Variants in IGSF11 observed in about 807,000 individuals in gnomAD.
The protein encoded by IGSF11 is immunoglobulin superfamily member 11.
IGSF11 carries 22 observed loss-of-function variants against 41.0 expected under a neutral mutation model. The observed-to-expected ratio is 0.54, with a 90% CI of 0.38 to 0.77. IGSF11 has a LOEUF of 0.77. IGSF11 is among the 30% of genes least tolerant of loss of function. The probability of loss-of-function intolerance (pLI) is 0.00; values close to 1 mark genes in which losing one functional copy is unlikely to be tolerated. For synonymous variants in IGSF11, 219 were observed against 201.3 expected (o/e 1.09, Z -0.74); for missense variants, 444 against 530.8 (o/e 0.84, Z 1.61).
chr3:119,094,775 C>T (rs571493040), intron 1 of IGSF11, among the ~76,000 whole-genome samples: 15 of 151,588 alleles, frequency 9.9e-5, no homozygotes, highest in African/African-American at 3.6e-4. Context: ...AGGTTCAAGC[C>T]ATTCTCCTGC....
At chr3:119,107,307 G>C (rs2077048979), upstream of IGSF11, among the ~76,000 whole-genome samples, 1 of 152,204 alleles carries the variant, frequency 6.6e-6, no homozygotes, top group African/African-American at 2.4e-5. Context: ...GTATCTCATT[G>C]TGGTTTTGAT....
chr3:119,085,244 C>T (rs973112798), intron 1 of IGSF11, among the ~76,000 whole-genome samples: 3 of 152,190 alleles, frequency 2.0e-5, no homozygotes, highest in Admixed American at 6.5e-5. Context: ...CGCCCATTGT[C>T]TCAAGCATCA....
At chr3:118,996,826 C>G (rs1936317832) in intron 1 of IGSF11, among the ~76,000 whole-genome samples, 1 of 151,996 alleles carries the variant, frequency 6.6e-6, no homozygotes. Flanking sequence ...ATCTCGATCT[C>G]CTGACCTTGT....
At chr3:119,016,710 G>T (rs1453468230) in intron 1 of IGSF11, among the ~76,000 whole-genome samples, 1 of 152,044 alleles carries the variant, frequency 6.6e-6, no homozygotes, top group Non-Finnish European at 1.5e-5. Flanking sequence ...TTCCTAACAG[G>T]AACTAGCAAC....
chr3:119,007,343 A>T (rs1163854137), intron 1 of IGSF11, among the ~76,000 whole-genome samples: 1 of 141,888 alleles, frequency 7.0e-6, no homozygotes, highest in African/African-American at 2.9e-5. Flanking sequence ...GCGCGCACTC[A>T]CTGGCCTGCG....
chr3:119,059,903 A>G (rs1392127051), intron 1 of IGSF11, among the ~76,000 whole-genome samples: 1 of 152,228 alleles, frequency 6.6e-6, no homozygotes, highest in Non-Finnish European at 1.5e-5. Flanking sequence ...TAAGGAAAGA[A>G]GAAGGAAAAG....
At chr3:118,944,510 T>C (rs902316782) in intron 1 of IGSF11, among the ~76,000 whole-genome samples, 1 of 144,960 alleles carries the variant, frequency 6.9e-6, no homozygotes, top group Admixed American at 6.9e-5. Flanking sequence ...ACACACACGA[T>C]CCCTCTCATT....
chr3:119,049,535 G>T (rs988384840), intron 1 of IGSF11, among the ~76,000 whole-genome samples: 2 of 151,848 alleles, frequency 1.3e-5, no homozygotes, highest in African/African-American at 4.8e-5. Flanking sequence ...CATGCTCATG[G>T]GTAGGAAGAA....
chr3:119,131,408 C>A (rs903463227), intron 1 of IGSF11, among the ~76,000 whole-genome samples: 1 of 152,072 alleles, frequency 6.6e-6, no homozygotes, highest in African/African-American at 2.4e-5. Context: ...ATGATGCGTA[C>A]ACAAGCTTCA....
intron 1 of IGSF11, among the ~76,000 whole-genome samples, chr3:119,119,024 A>G (rs1215362936): frequency 4.6e-5 from 7 of 152,188 alleles, no homozygotes. Context: ...AAGCCATTCA[A>G]CAAGTCTCTA....
intron 1 of IGSF11, among the ~76,000 whole-genome samples, chr3:118,960,458 A>G (rs1177295599): frequency 6.6e-6 from 1 of 152,230 alleles, no homozygotes; most frequent in Non-Finnish European, 1.5e-5. Context: ...ATTCCATAAA[A>G]TGTATTTTAT....
intron 1 of IGSF11, among the ~76,000 whole-genome samples, chr3:118,982,414 C>CA: frequency 6.6e-6 from 1 of 151,828 alleles, no homozygotes; most frequent in South Asian, 2.1e-4. Flanking sequence ...AATCTTCTCC[C>CA]AAAAAAAGGA....
chr3:118,969,202 AAAT>A (rs1214483873), intron 1 of IGSF11, among the ~76,000 whole-genome samples: 1 of 152,228 alleles, frequency 6.6e-6, no homozygotes, highest in Non-Finnish European at 1.5e-5. Flanking sequence ...TATTAAAAAA[AAAT>A]AATAATAATC....
At chr3:119,026,937 T>C (rs1234123330) in intron 1 of IGSF11, among the ~76,000 whole-genome samples, 1 of 152,220 alleles carries the variant, frequency 6.6e-6, no homozygotes, top group African/African-American at 2.4e-5. Flanking sequence ...GACAGTCATT[T>C]GCGGCCAATG....
chr3:118,967,733 A>G (rs1277939863), intron 1 of IGSF11, among the ~76,000 whole-genome samples: 1 of 152,182 alleles, frequency 6.6e-6, no homozygotes, highest in Non-Finnish European at 1.5e-5. Context: ...CTCTGCACTT[A>G]TTGAAACATG....
At chr3:118,932,820 G>A (rs757475033) in intron 1 of IGSF11, among the ~76,000 whole-genome samples, 2 of 152,226 alleles carry the variant, frequency 1.3e-5, no homozygotes, top group Non-Finnish European at 2.9e-5. Flanking sequence ...CAAGGAAGAG[G>A]TAAAGGAAAT....
chr3:118,973,138 T>C (rs1292065601), intron 1 of IGSF11, among the ~76,000 whole-genome samples: 1 of 152,224 alleles, frequency 6.6e-6, no homozygotes, highest in Non-Finnish European at 1.5e-5. Context: ...TCCAGGGATA[T>C]GCCCCGCCCA....
chr3:119,126,133 G>A (rs939163349), intron 1 of IGSF11, among the ~76,000 whole-genome samples: 3 of 152,234 alleles, frequency 2.0e-5, no homozygotes, highest in African/African-American at 7.2e-5. Context: ...CTCCCTGCGT[G>A]GGAGAAGAGT....
At chr3:119,102,133 A>G (rs2076948728) in intron 1 of IGSF11, among the ~76,000 whole-genome samples, 2 of 152,064 alleles carry the variant, frequency 1.3e-5, no homozygotes, top group African/African-American at 4.8e-5. Context: ...CCTTAATTCC[A>G]CATTTAATCA....
Sources: gnomAD v4.1 joint callset for allele counts (sites outside exome capture counted in the v4.1 genomes callset) on GRCh38, gnomAD v4.1.1 for gene constraint, MANE v1.5 for transcripts, NCBI Gene and HGNC (gene_info 2026-07-23, HGNC 2026-07-21) for gene names.